GREB1: variants seen among roughly 807,000 people sequenced by gnomAD.
GREB1 encodes protein GREB1.
In GREB1, 106 loss-of-function variants were observed where a neutral mutation model predicts 200.7. The ratio of observed to expected loss-of-function variants is 0.53; its 90% CI spans 0.45 to 0.62. GREB1 has a LOEUF of 0.62. Ranked by LOEUF, GREB1 falls within the 20% of genes least tolerant of loss-of-function variation. The pLI, the probability that GREB1 is intolerant of heterozygous loss-of-function variation, is 0.00. For synonymous variants in GREB1, 1,132 were observed against 1,092.4 expected (o/e 1.04, Z -0.72); for missense variants, 2,243 against 2,556.8 (o/e 0.88, Z 2.65).
chr2:11,631,695 G>A (rs1156943771), intron 26 of GREB1, among the ~76,000 whole-genome samples: 2 of 152,196 alleles, frequency 1.3e-5, no homozygotes, highest in Non-Finnish European at 2.9e-5. Context: ...GAGAGGGTGT[G>A]GAACATGTAA....
In GREB1 at chr2:11,566,578, A is replaced by C. The variant is rs199608235; in HGVS notation, c.376A>C (p.Ser126Arg). The C allele has an allele frequency of 6.8e-6, 11 of 1,614,130 alleles. No individual in the cohort carries two copies. The highest frequency in any genetic ancestry group is 4.4e-5 in the South Asian group (4 of 91,074). Reference sequence around the variant, plus strand: ...TCTCCTCGTGGGGGTCAAGTCCCCCAGCCTGCCGGACCATCTCCTGGTGTG... The same window carrying C: ...TCTCCTCGTGGGGGTCAAGTCCCCCCGCCTGCCGGACCATCTCCTGGTGTG... ...GFLLVGVKSP[S>R]LPDHLLVCAV... is the part of the protein sequence containing the mutation. Residue 126 changes from serine to arginine, a missense_variant, in exon 4 of 33, where the codon AGC becomes CGC. Physicochemically the swap from Ser to Arg is moderately radical, Grantham distance 110 (BLOSUM62 -1). Transcript: ENST00000381486.
At chr2:11,532,576 G>T (rs895393164), upstream of GREB1, among the ~76,000 whole-genome samples, 1 of 152,176 alleles carries the variant, frequency 6.6e-6, no homozygotes, top group South Asian at 2.1e-4. Context: ...TCTGATTGCC[G>T]CAGCAGACAA....
chr2:11,635,903 C>T (rs1685278837), intron 30 of GREB1, among the ~76,000 whole-genome samples: 1 of 152,220 alleles, frequency 6.6e-6, no homozygotes, highest in South Asian at 2.1e-4. Flanking sequence ...TCTGTGTCTT[C>T]CAGGAAGCAA....
In GREB1 at chr2:11,507,611, C is replaced by T. The variant is rs1448923467; in HGVS notation, c.-159+25230C>T. On this transcript the variant is annotated intron_variant, in intron 1 of 2. Transcript: ENST00000628795. The stretch of plus-strand genomic sequence containing the variant: ...CCTTGCCCAGCCCTTGCAGTTCTAT[C>T]AAATGGGTATTATTTTGACTAACAA... Among the ~76,000 whole-genome samples, 3 of 152,192 alleles carry T rather than the reference C, an allele frequency of 2.0e-5. No homozygotes were observed. The East Asian group carries it at 5.8e-4, about 29-fold the overall frequency.
chr2:11,530,749 G>A (rs1352141662), upstream of GREB1, among the ~76,000 whole-genome samples: 2 of 152,112 alleles, frequency 1.3e-5, no homozygotes, highest in Non-Finnish European at 2.9e-5. Context: ...TGCATGTGGT[G>A]CATGGTGTTC....
intron 25 of GREB1, 109 bp downstream of exon 25, chr2:11,627,213 C>T: frequency 3.0e-6 from 3 of 983,870 alleles, no homozygotes; most frequent in Non-Finnish European, 4.4e-6. Flanking sequence ...TTCTGGAAGC[C>T]CTGGCTTCCT....
At chr2:11,607,507 T>C (rs951182665) in intron 17 of GREB1, among the ~76,000 whole-genome samples, 7 of 134,860 alleles carry the variant, frequency 5.2e-5, no homozygotes, top group African/African-American at 1.7e-4. Context: ...TATATATACA[T>C]ATATGTACAT....
At chr2:11,625,794 G>C (rs1309080491) in intron 24 of GREB1, among the ~76,000 whole-genome samples, 1 of 152,150 alleles carries the variant, frequency 6.6e-6, no homozygotes, top group African/African-American at 2.4e-5. Flanking sequence ...GGAAATGACT[G>C]TGTTAGTCCG....
chr2:11,515,817 A>C (rs1673479180), intron 1 of GREB1, among the ~76,000 whole-genome samples: 1 of 152,214 alleles, frequency 6.6e-6, no homozygotes, highest in Non-Finnish European at 1.5e-5. Flanking sequence ...TCAGTCTAGT[A>C]GGGTTTTGTG....
chr2:11,553,919 G>A (rs748920656), intron 1 of GREB1, among the ~76,000 whole-genome samples: 11 of 151,764 alleles, frequency 7.2e-5, no homozygotes, highest in Admixed American at 4.6e-4. Context: ...CATGTAAAAC[G>A]AGTCCACCTT....
chr2:11,578,400 C>A lies in GREB1; in HGVS notation c.741C>A (p.Asn247Lys), dbSNP rs372165368. ...AFPSEPVPGTNPSILMGAQQA... is the reference protein window; with the variant it reads ...AFPSEPVPGTKPSILMGAQQA... ...CCAGCGAGCCCGTTCCTGGGACGAA[C>A]CCCAGCATCCTGATGGGAGCTCAGC... The change falls in exon 6 of 33, where the codon AAC (asparagine) becomes AAA (lysine). Residue 247 changes from asparagine (N) to lysine (K), a missense_variant. Physicochemically the swap from Asn to Lys is moderately conservative, Grantham distance 94. Coordinates refer to ENST00000381486, the MANE Select transcript of GREB1 (RefSeq NM_014668.4). 1 of 1,614,012 alleles carries A rather than the reference C, an allele frequency of 6.2e-7. No individual in the cohort carries two copies. The highest frequency in any genetic ancestry group is 1.1e-5 in the South Asian group (1 of 91,082).
chr2:11,591,627 A>G (rs1680742464), intron 10 of GREB1: 5 of 591,394 alleles, frequency 8.5e-6, no homozygotes, highest in Non-Finnish European at 1.5e-5. Flanking sequence ...AAACTGACGC[A>G]TTCAGGCTCT....
chr2:11,565,590 G>C (rs1677548964), intron 3 of GREB1, among the ~76,000 whole-genome samples: 1 of 152,202 alleles, frequency 6.6e-6, no homozygotes, highest in South Asian at 2.1e-4. Context: ...AGTCTCAGCT[G>C]GCTCTCTATT....
intron 1 of GREB1, among the ~76,000 whole-genome samples, chr2:11,512,667 T>G (rs1250827762): frequency 2.6e-5 from 4 of 152,138 alleles, no homozygotes; most frequent in African/African-American, 9.7e-5. Context: ...GTACAGGAGC[T>G]CTTTGCTCAA....
At chr2:11,567,913 G>A (rs769233512) in intron 4 of GREB1, among the ~76,000 whole-genome samples, 5 of 152,152 alleles carry the variant, frequency 3.3e-5, no homozygotes, top group African/African-American at 9.7e-5. Context: ...CCATGAAGCG[G>A]GGAGGTGACT....
At position 11,534,095 on chromosome 2, in the gene GREB1, C is replaced by T. The variant is rs561197020; in HGVS notation, c.-321C>T. ...TACTGCAGTAGAGATGGGATTTTAC[C>T]TCAAAGTGCAAAGGTAAATGAAATA... On this transcript the variant is annotated 5_prime_UTR_variant, in exon 1 of 33. Coordinates refer to ENST00000381486, the MANE Select transcript of GREB1 (RefSeq NM_014668.4). The T allele has an allele frequency of 6.6e-6, 1 of 152,242 alleles. No individual in the cohort carries two copies. The highest frequency in any genetic ancestry group is 6.5e-5 in the Admixed American group (1 of 15,302). 9.4% of individuals were successfully genotyped at this position (152,242 alleles called of 1,614,324 possible). A position where few individuals can be genotyped will look rare whatever the true frequency, so the allele number is the denominator to read the frequency against.
chr2:11,580,707 C>G lies in GREB1; in HGVS notation c.776C>G (p.Pro259Arg). Residue 259 changes from proline (P) to arginine (R), a missense_variant, in exon 7 of 33, where the codon CCA becomes CGA. Physicochemically the swap from Pro to Arg is moderately radical, Grantham distance 103. Coordinates refer to ENST00000381486, the MANE Select transcript of GREB1 (RefSeq NM_014668.4). The surrounding 1 kb of genome is among the most constrained non-coding windows in gnomAD (Gnocchi z 4.5). Reference protein sequence around the residue: ...SILMGAQQAGPASDHPSLNAA... With the variant: ...SILMGAQQAGRASDHPSLNAA... The stretch of plus-strand genomic sequence containing the variant: ...TTTGCCTTCTATCTGTTTTCAGGAC[C>G]AGCTTCTGATCACCCCTCACTAAAC... 1 of 1,609,036 alleles carries G rather than the reference C, an allele frequency of 6.2e-7. No individual in the cohort carries two copies. The highest frequency in any genetic ancestry group is 8.5e-7 in the Non-Finnish European group (1 of 1,176,292).
In GREB1 at chr2:11,640,653, A is replaced by G. The variant is rs1427019833; in HGVS notation, c.*199A>G. The G allele has an allele frequency of 6.8e-6, 4 of 585,256 alleles. No homozygotes were observed. The highest frequency in any genetic ancestry group is 1.2e-5 in the Non-Finnish European group (4 of 339,986). The allele number at this position is 585,256 out of a possible 1,614,324, so 36.3% of individuals were successfully genotyped here. A position where few individuals can be genotyped will look rare whatever the true frequency, so the allele number is the denominator to read the frequency against. The stretch of plus-strand genomic sequence containing the variant: ...GAAGACTCCGCAGTGGGTGAGAATG[A>G]AAACTTGAGACTCCCAAGTTCTGGG... On this transcript the variant is annotated 3_prime_UTR_variant, in exon 33 of 33. Transcript: ENST00000381486. The surrounding 1 kb of genome is among the most constrained non-coding windows in gnomAD (Gnocchi z 4.6).
intron 1 of GREB1, among the ~76,000 whole-genome samples, chr2:11,506,563 A>G (rs558690755): frequency 6.2e-4 from 95 of 152,228 alleles, no homozygotes; most frequent in Middle Eastern, 3.4e-3. Context: ...TTTCTATTAG[A>G]CCATCTGCCT....
Sources: gnomAD v4.1 joint callset for allele counts (sites outside exome capture counted in the v4.1 genomes callset) on GRCh38, gnomAD v4.1.1 for gene constraint, Gnocchi (gnomAD v3.1) non-coding constraint, MANE v1.5 for transcripts, NCBI Gene and HGNC (gene_info 2026-07-23, HGNC 2026-07-21) for gene names.